Variants in ITIH6 observed in about 807,000 individuals in gnomAD.
ITIH6 encodes the protein inter-alpha-trypsin inhibitor heavy chain family member 6, also known as inter-alpha-trypsin inhibitor heavy chain H6.
ITIH6 carries 60 observed loss-of-function variants against 58.2 expected under a neutral mutation model. The observed-to-expected ratio is 1.03, with a 90% CI of 0.84 to 1.28. The LOEUF (loss-of-function observed/expected upper bound fraction) is 1.28. Among genes scored for constraint, ITIH6 ranks in the 50% most tolerant of loss-of-function variants. The probability of loss-of-function intolerance (pLI) is 0.00; values close to 1 mark genes in which losing one functional copy is unlikely to be tolerated. For missense variants in ITIH6, 1,290 were observed against 1,021.1 expected, an observed-to-expected ratio of 1.26 and a Z score of -3.59; for synonymous variants, 493 against 417.4, an observed-to-expected ratio of 1.18 and a Z score of -2.21.
chrX:54,786,525 C>T (rs773477150), intron 5 of ITIH6, among the ~76,000 whole-genome samples: 12 of 111,770 alleles, frequency 1.1e-4, no homozygotes, highest in South Asian at 3.8e-4. Flanking sequence ...TGCTCCAGAA[C>T]GCCAAGCTAT....
intron 6 of ITIH6, among the ~76,000 whole-genome samples, chrX:54,772,153 A>G (rs894778355): frequency 8.9e-6 from 1 of 112,562 alleles, no homozygotes; most frequent in African/African-American, 3.2e-5. Context: ...TACACCATGA[A>G]ATACTATGCA....
At chrX:54,755,760 G>A (rs962446392) in intron 8 of ITIH6, among the ~76,000 whole-genome samples, 2 of 110,811 alleles carry the variant, frequency 1.8e-5, no homozygotes, top group Non-Finnish European at 3.8e-5. Flanking sequence ...AGAATGGGTG[G>A]GAGAGAGTGA....
intron 4 of ITIH6, among the ~76,000 whole-genome samples, chrX:54,788,894 C>A (rs1385041532): frequency 8.9e-6 from 1 of 112,488 alleles, no homozygotes; most frequent in African/African-American, 3.2e-5. Flanking sequence ...GCCATCAGCT[C>A]CCAGGCCCTG....
rs35679081 is a variant in ITIH6 at position 54,774,204 on chromosome X, CAAAA to C, written c.787-11_787-8del. 6,334 of 578,708 alleles carry C rather than the reference CAAAA, an allele frequency of 0.011. No homozygotes were observed. Among genetic ancestry groups the C allele is most frequent in the East Asian group, 0.012 (264 of 21,563 alleles). 47.7% of individuals were successfully genotyped at this position (578,708 alleles called of 1,213,427 possible). A position where few individuals can be genotyped will look rare whatever the true frequency, so the allele number is the denominator to read the frequency against. On this transcript the variant is annotated splice_region_variant and splice_polypyrimidine_tract_variant and intron_variant, in intron 5 of 12. Coordinates refer to ENST00000218436, the MANE Select transcript of ITIH6 (RefSeq NM_198510.3). ...TGAAATAGTCATCGTAAATCTGGACCAAAAAAAAAAAAAAAAAAGTAGAACCAAG... is the reference window on the plus strand; with the variant it reads ...TGAAATAGTCATCGTAAATCTGGACCAAAAAAAAAAAAAAGTAGAACCAAG...
rs370805821 is a variant in ITIH6, at chrX:54,750,086, T to C, written c.3751A>G (p.Ile1251Val). The C allele has an allele frequency of 3.3e-6, 4 of 1,206,212 alleles. No individual in the cohort carries two copies. The African/African-American group carries it at 5.3e-5, about 16-fold the overall frequency. The stretch of plus-strand genomic sequence containing the variant: ...CCCATAGGTCCTGTCACCAGTCGGA[T>C]GTCTGCGTGCTGGAACTGCCCTGAG... ...GLIGQFQHAD[I>V]RLVTGPMGPC... is the part of the protein sequence containing the mutation. Residue 1251 changes from isoleucine to valine, a missense_variant, in exon 13 of 13, where the codon ATC (isoleucine) becomes GTC (valine). Physicochemically the swap from Ile to Val is conservative, Grantham distance 29 (BLOSUM62 3). Coordinates refer to ENST00000218436, the MANE Select transcript of ITIH6 (RefSeq NM_198510.3).
intron 5 of ITIH6, 151 bp from the exon 6 acceptor site, chrX:54,774,348 C>T: frequency 3.1e-6 from 1 of 322,654 alleles, no homozygotes; most frequent in Non-Finnish European, 5.6e-6. Flanking sequence ...TGACTGTTTG[C>T]TCACTGTCCA....
intron 11 of ITIH6, among the ~76,000 whole-genome samples, chrX:54,752,704 A>G (rs974186694): frequency 1.8e-5 from 2 of 112,406 alleles, no homozygotes; most frequent in African/African-American, 6.5e-5. Flanking sequence ...CCTGCAGACA[A>G]GAGCAGAGCT....
At chrX:54,750,973 C>T (rs1210709273) in intron 12 of ITIH6, 30 bp downstream of exon 12, 4 of 1,115,498 alleles carry the variant, frequency 3.6e-6, no homozygotes, top group African/African-American at 1.8e-5. Flanking sequence ...CTGGTGCTCC[C>T]TGGCCCCTCT....
rs1178444249 is a variant in ITIH6 at position 54,765,594 on chromosome X, C to CTT, written c.904-5669_904-5668dup. Among the ~76,000 whole-genome samples the CTT allele has an allele frequency of 2.5e-4, 20 of 79,189 alleles. 1 individual carries two copies. Among genetic ancestry groups the CTT allele is most frequent in the African/African-American group, 4.5e-4 (10 of 22,385 alleles). 68.8% of individuals were successfully genotyped at this position (79,189 alleles called of 115,157 possible). ...GTAGGTAAGCGGCATTATTTCTTTT[C>CTT]TTTTTTTTTTTTTTTTTTTTGAGAC... On this transcript the variant is annotated intron_variant, in intron 6 of 12. Coordinates refer to ENST00000218436, the MANE Select transcript of ITIH6 (RefSeq NM_198510.3).
chrX:54,793,685 G>A (rs2147622153), intron 2 of ITIH6, among the ~76,000 whole-genome samples: 1 of 111,995 alleles, frequency 8.9e-6, no homozygotes, highest in East Asian at 2.8e-4. Flanking sequence ...ACAGACAGCA[G>A]GAAAACACAG....
chrX:54,764,725 T>C, intron 6 of ITIH6, among the ~76,000 whole-genome samples: 1 of 90,593 alleles, frequency 1.1e-5, no homozygotes, highest in Non-Finnish European at 2.2e-5. Flanking sequence ...AACATACGTG[T>C]GCATGTGTCT....
intron 11 of ITIH6, among the ~76,000 whole-genome samples, chrX:54,751,620 G>T (rs994240935): frequency 1.8e-5 from 2 of 112,377 alleles, no homozygotes; most frequent in African/African-American, 3.2e-5. Context: ...ATGTGTGTTT[G>T]CCTCTGAGTG....
At chrX:54,753,813 G>A in intron 10 of ITIH6, 49 bp from the exon 11 acceptor site, 1 of 1,108,470 alleles carries the variant, frequency 9.0e-7, no homozygotes, top group Non-Finnish European at 1.2e-6. Flanking sequence ...AAATGGAAGG[G>A]AGAGGGAAAG....
intron 3 of ITIH6, among the ~76,000 whole-genome samples, chrX:54,791,349 C>T (rs1398142529): frequency 9.2e-6 from 1 of 109,052 alleles, no homozygotes; most frequent in Non-Finnish European, 1.9e-5. Context: ...GAACTTAGTC[C>T]ATCAAAATCT....
chrX:54,753,496 GT>G (rs767950987), intron 11 of ITIH6, among the ~76,000 whole-genome samples, 154 bp downstream of exon 11: 1 of 111,493 alleles, frequency 9.0e-6, no homozygotes, highest in African/African-American at 3.3e-5. Context: ...ATTCATGTGT[GT>G]TTTTTTGTGT....
In ITIH6 at chrX:54,758,196, G is replaced by A. The variant is rs747124446; in HGVS notation, c.1878C>T (p.Thr626=). 8 of 1,211,405 alleles carry A rather than the reference G, an allele frequency of 6.6e-6. No individual in the cohort carries two copies. The highest frequency in any genetic ancestry group is 2.2e-6 in the Non-Finnish European group (2 of 895,168). ...GCATGATGGTGTCTGGCCCAGCAGA[G>A]GTGGAAGTCTGTCTCCTGGTCTCCT... is the stretch of plus-strand genomic sequence containing the variant. ...ASEETRRQTS[T]SAGPDTIMPS... Residue 626 remains threonine, a synonymous_variant, in exon 8 of 13, where the codon ACC becomes ACT. Transcript: ENST00000218436.
chrX:54,774,731 A>G (rs1230070539), intron 5 of ITIH6, among the ~76,000 whole-genome samples: 1 of 111,923 alleles, frequency 8.9e-6, no homozygotes, highest in Non-Finnish European at 1.9e-5. Context: ...CTGTTTATTC[A>G]GAGGGGATTG....
In ITIH6 at chrX:54,790,976, G is replaced by C. The variant is rs761955215; in HGVS notation, c.477C>G (p.Tyr159Ter). 8.2e-7 allele frequency: 1 copy of C among 1,212,321 alleles called. No individual in the cohort carries two copies. The highest frequency in any genetic ancestry group is 2.2e-5 in the Admixed American group (1 of 46,135). The change falls in exon 4 of 13, where the codon TAC (tyrosine) becomes TAG (stop). Residue 159 changes from tyrosine (Y) to a stop codon, truncating the protein, a stop_gained. Transcript: ENST00000218436. LOFTEE classifies it high-confidence loss of function. ...EELLQRHQGQ[Y>*]QLVVSLRPGQ... ...CAGGCCTCAGGCTCACCACCAGCTGGTACTGGCCCTGGTGCCGCTGAAGCA... is the reference window on the plus strand; with the variant it reads ...CAGGCCTCAGGCTCACCACCAGCTGCTACTGGCCCTGGTGCCGCTGAAGCA...
chrX:54,759,691 A>C, intron 7 of ITIH6, 65 bp downstream of exon 7: 1 of 929,765 alleles, frequency 1.1e-6, no homozygotes, highest in Non-Finnish European at 1.5e-6. Context: ...GAATGAAGAG[A>C]GGGTTTCAGG....
Sources: allele counts gnomAD v4.1 joint callset (sites outside exome capture counted in the v4.1 genomes callset), GRCh38; gene constraint gnomAD v4.1.1; transcripts MANE v1.5; gene names NCBI Gene and HGNC (gene_info 2026-07-23, HGNC 2026-07-21).